The following DACH1 variants were observed in gnomAD, a reference collection of about 807,000 sequenced individuals.
The protein encoded by DACH1 is dachshund homolog 1.
A neutral mutation model predicts 54.2 loss-of-function variants in DACH1; 12 were observed. The observed-to-expected ratio is 0.22, with a 90% confidence interval of 0.14 to 0.36. The LOEUF (loss-of-function observed/expected upper bound fraction) is 0.36. DACH1 is among the 10% of genes least tolerant of loss of function. The probability of loss-of-function intolerance (pLI) is 1.00; values close to 1 mark genes in which losing one functional copy is unlikely to be tolerated. For synonymous variants in DACH1, 386 were observed against 366.2 expected (o/e 1.05, Z -0.62); for missense variants, 805 against 929.8 (o/e 0.87, Z 1.75).
intron 2 of DACH1, among the ~76,000 whole-genome samples, chr13:71,640,949 T>G (rs2138596239): frequency 6.6e-6 from 1 of 152,252 alleles, no homozygotes; most frequent in Admixed American, 6.5e-5. Flanking sequence ...ATGCAAATCC[T>G]TGTCTAAATC....
At chr13:71,844,054 C>T (rs772107586) in intron 1 of DACH1, among the ~76,000 whole-genome samples, 13 of 152,086 alleles carry the variant, frequency 8.5e-5, no homozygotes, top group Non-Finnish European at 1.6e-4. Context: ...GCACTACTTC[C>T]TTCAGCATAT....
intron 6 of DACH1, among the ~76,000 whole-genome samples, chr13:71,544,022 C>T (rs753154504): frequency 4.3e-4 from 66 of 152,014 alleles, no homozygotes; most frequent in Non-Finnish European, 1.0e-4. Context: ...TTTAAATAGG[C>T]TATTTCCACT....
intron 6 of DACH1, among the ~76,000 whole-genome samples, chr13:71,511,019 T>G (rs1880733927): frequency 6.6e-6 from 1 of 152,022 alleles, no homozygotes; most frequent in Non-Finnish European, 1.5e-5. Flanking sequence ...TTATACAAAT[T>G]CATTACTATG....
Position 71,866,484 on chromosome 13 carries a change from C to A in DACH1, c.286G>T (p.Gly96Cys). 8.0e-7 allele frequency: 1 copy of A among 1,249,988 alleles called. No homozygotes were observed. Among genetic ancestry groups the A allele is most frequent in the Non-Finnish European group, 1.0e-6 (1 of 994,010 alleles). 77.4% of individuals were successfully genotyped at this position (1,249,988 alleles called of 1,614,324 possible). The change falls in exon 1 of 11, where the codon GGC becomes TGC. Residue 96 changes from glycine to cysteine, a missense_variant. This residue lies in a region of DACH1 where 305 missense variants were observed against 308.7 expected (regional missense o/e 0.99). Transcript: ENST00000613252. Reference sequence around the variant, plus strand: ...CAGTTGCTGCCACCGCCGCCGCCGCCACCGCCGCCTCCGTTGCCGCTGCTG... The same window carrying A: ...CAGTTGCTGCCACCGCCGCCGCCGCAACCGCCGCCTCCGTTGCCGCTGCTG... ...GGSSGNGGGG[G>C]GGGGGSNCNP...
At chr13:71,454,755 A>T (rs966266727) in intron 10 of DACH1, among the ~76,000 whole-genome samples, 1 of 152,184 alleles carries the variant, frequency 6.6e-6, no homozygotes, top group Non-Finnish European at 1.5e-5. Context: ...AGATGACTGT[A>T]GGCCTGCCAA....
At chr13:71,531,636 C>T (rs1282255739) in intron 6 of DACH1, among the ~76,000 whole-genome samples, 1 of 151,492 alleles carries the variant, frequency 6.6e-6, no homozygotes, top group Non-Finnish European at 1.5e-5. Context: ...AACATGCAAG[C>T]AAAGGAATAG....
intron 6 of DACH1, among the ~76,000 whole-genome samples, chr13:71,496,151 T>G (rs1879383340): frequency 6.6e-6 from 1 of 151,022 alleles, no homozygotes; most frequent in African/African-American, 2.4e-5. Context: ...AGCACAAGAT[T>G]GGCTTGAACC....
intron 3 of DACH1, among the ~76,000 whole-genome samples, chr13:71,589,353 A>T (rs1873524710): frequency 6.6e-6 from 1 of 152,020 alleles, no homozygotes; most frequent in South Asian, 2.1e-4. Flanking sequence ...AAAACTGATT[A>T]AGAAAAGGAG....
intron 1 of DACH1, among the ~76,000 whole-genome samples, chr13:71,761,359 C>A (rs1234445150): frequency 6.6e-6 from 1 of 152,106 alleles, no homozygotes; most frequent in Non-Finnish European, 1.5e-5. Context: ...TAAGCGCTGA[C>A]TCAAAAGGGA....
At chr13:71,520,575 A>G (rs1175498886) in intron 6 of DACH1, among the ~76,000 whole-genome samples, 1 of 151,608 alleles carries the variant, frequency 6.6e-6, no homozygotes, top group Non-Finnish European at 1.5e-5. Context: ...ATTGATTACA[A>G]TCAAAATAAA....
At chr13:71,609,371 G>C (rs1875131347) in intron 3 of DACH1, among the ~76,000 whole-genome samples, 1 of 152,102 alleles carries the variant, frequency 6.6e-6, no homozygotes, top group South Asian at 2.1e-4. Flanking sequence ...ATGTGGATAA[G>C]AATATTAAGA....
intron 6 of DACH1, among the ~76,000 whole-genome samples, chr13:71,492,281 G>A (rs916552065): frequency 6.6e-6 from 1 of 151,864 alleles, no homozygotes; most frequent in African/African-American, 2.4e-5. Context: ...GGTTTTCACA[G>A]AGGGAATTAA....
chr13:71,448,237 G>A (rs1001260448), intron 10 of DACH1, among the ~76,000 whole-genome samples: 2 of 152,106 alleles, frequency 1.3e-5, no homozygotes, highest in Non-Finnish European at 2.9e-5. Flanking sequence ...ACACAGCAGA[G>A]GGCAAACATA....
chr13:71,724,251 C>A (rs927453835), intron 1 of DACH1, among the ~76,000 whole-genome samples: 1 of 152,130 alleles, frequency 6.6e-6, no homozygotes, highest in Non-Finnish European at 1.5e-5. Flanking sequence ...CTGTTTAGCT[C>A]AAGTGAGAAG....
intron 1 of DACH1, among the ~76,000 whole-genome samples, chr13:71,759,911 G>GA (rs1265993516): frequency 6.6e-6 from 1 of 152,096 alleles, no homozygotes; most frequent in East Asian, 1.9e-4. Flanking sequence ...AAGAAATGGG[G>GA]AAAAAATGAG....
At chr13:71,708,563 A>G (rs113271771) in intron 1 of DACH1, among the ~76,000 whole-genome samples, 1 of 152,094 alleles carries the variant, frequency 6.6e-6, no homozygotes, top group African/African-American at 2.4e-5. Flanking sequence ...CTTGTATCCA[A>G]TCTCATCAAT....
intron 6 of DACH1, among the ~76,000 whole-genome samples, chr13:71,515,730 C>T (rs975519991): frequency 6.6e-6 from 1 of 151,978 alleles, no homozygotes; most frequent in South Asian, 2.1e-4. Flanking sequence ...AGAATTCTAA[C>T]CAGTTAGGAC....
intron 1 of DACH1, among the ~76,000 whole-genome samples, chr13:71,817,838 A>C (rs1463928752): frequency 8.5e-6 from 1 of 117,598 alleles, no homozygotes; most frequent in Admixed American, 1.1e-4. Context: ...TTTTTGAGAC[A>C]GGGTCTCGCT....
At chr13:71,837,736 T>C (rs1160057349) in intron 1 of DACH1, among the ~76,000 whole-genome samples, 1 of 145,616 alleles carries the variant, frequency 6.9e-6, no homozygotes, top group Admixed American at 6.8e-5. Context: ...TATTGCGGCA[T>C]TATTCACAAT....
Sources: gnomAD v4.1 joint callset for allele counts (sites outside exome capture counted in the v4.1 genomes callset) on GRCh38, gnomAD v4.1.1 for gene constraint, gnomAD v4.1.1 regional missense constraint, MANE v1.5 for transcripts, NCBI Gene and HGNC (gene_info 2026-07-23, HGNC 2026-07-21) for gene names.